The following TMEM131L variants were observed in gnomAD, a reference collection of about 807,000 sequenced individuals.
The protein encoded by TMEM131L is transmembrane protein 131-like.
In TMEM131L, 54 loss-of-function variants were observed where a neutral mutation model predicts 192.2. That is an observed-to-expected ratio of 0.28 (90% CI 0.23 to 0.35). TMEM131L has a LOEUF of 0.35. Among genes scored for constraint, TMEM131L ranks in the 10% least tolerant of loss-of-function variants. TMEM131L has a pLI of 1.00. For synonymous variants in TMEM131L, 701 were observed against 704.9 expected, an observed-to-expected ratio of 0.99 and a Z score of 0.09; for missense variants, 1,888 against 1,972.9, an observed-to-expected ratio of 0.96 and a Z score of 0.82.
intron 3 of TMEM131L, among the ~76,000 whole-genome samples, chr4:153,506,091 A>C (rs1372099107): frequency 6.6e-6 from 1 of 152,242 alleles, no homozygotes; most frequent in Non-Finnish European, 1.5e-5. Context: ...ACAATAGTAG[A>C]GTCGAACTAA....
At chr4:153,468,965 T>C (rs1397182575) in intron 2 of TMEM131L, among the ~76,000 whole-genome samples, 5 of 152,254 alleles carry the variant, frequency 3.3e-5, no homozygotes, top group Non-Finnish European at 4.4e-5. Flanking sequence ...TAGTAGTATA[T>C]ACTCTCATTT....
At chr4:153,587,916 A>G in intron 15 of TMEM131L, 105 bp downstream of exon 15, 4 of 832,978 alleles carry the variant, frequency 4.8e-6, no homozygotes, top group South Asian at 2.7e-5. Context: ...CTGTAAAGGC[A>G]TCATATTCTA....
intron 3 of TMEM131L, among the ~76,000 whole-genome samples, chr4:153,511,096 A>G (rs1033069576): frequency 4.6e-5 from 7 of 152,254 alleles, no homozygotes; most frequent in African/African-American, 1.7e-4. Flanking sequence ...AACTAAAACC[A>G]GAACTACCAT....
intron 4 of TMEM131L, among the ~76,000 whole-genome samples, chr4:153,553,941 G>C (rs1240411434): frequency 6.6e-6 from 1 of 152,176 alleles, no homozygotes; most frequent in African/African-American, 2.4e-5. Context: ...GTGGTGACTA[G>C]GCTTCAGCTG....
intron 11 of TMEM131L, among the ~76,000 whole-genome samples, chr4:153,584,197 A>AT (rs147966909): frequency 5.3e-4 from 80 of 151,716 alleles, no homozygotes; most frequent in African/African-American, 1.8e-3. Context: ...TGTACATTTA[A>AT]TTTTTTTTTA....
intron 3 of TMEM131L, among the ~76,000 whole-genome samples, chr4:153,516,252 T>G (rs1734721042): frequency 6.6e-6 from 1 of 152,142 alleles, no homozygotes; most frequent in South Asian, 2.1e-4. Context: ...TTTTAAAATC[T>G]AATTCTTTGT....
chr4:153,468,676 G>A (rs2149702500), intron 2 of TMEM131L, among the ~76,000 whole-genome samples: 1 of 152,270 alleles, frequency 6.6e-6, no homozygotes, highest in African/African-American at 2.4e-5. Context: ...ACTGTGAGAT[G>A]TTGAGCAGTT....
intron 3 of TMEM131L, among the ~76,000 whole-genome samples, chr4:153,546,366 C>T (rs557326561): frequency 6.6e-6 from 1 of 151,928 alleles, no homozygotes; most frequent in African/African-American, 2.4e-5. Flanking sequence ...GCCAGGTGGT[C>T]TTTGACATAC....
intron 7 of TMEM131L, among the ~76,000 whole-genome samples, chr4:153,564,287 C>CAAAAAAAAAAAAAAAAAAAAAAAAAAA (rs1178320668): frequency 5.7e-5 from 1 of 17,652 alleles, no homozygotes; most frequent in African/African-American, 1.4e-4. Flanking sequence ...AACTCCGTCT[C>CAAAAAAAAAAAAAAAAAAAAAAAAAAA]AAAAAAAAAA....
intron 3 of TMEM131L, among the ~76,000 whole-genome samples, chr4:153,476,402 A>G (rs1185365606): frequency 6.6e-6 from 1 of 152,188 alleles, no homozygotes; most frequent in African/African-American, 2.4e-5. Context: ...ATTCAGTTAA[A>G]ATTCCTTGGG....
In TMEM131L at chr4:153,550,091, T is replaced by G. The variant is rs201330911; in HGVS notation, c.258T>G (p.Phe86Leu). The G allele has an allele frequency of 3.0e-4, 444 of 1,491,564 alleles. 1 individual carries two copies. Among genetic ancestry groups the G allele is most frequent in the Admixed American group, 1.6e-3 (72 of 44,870 alleles). 92.4% of individuals were successfully genotyped at this position (1,491,564 alleles called of 1,614,324 possible). ...TTTTTAGCTTCTCGGACAAACTATT[T>G]AGTGGAAAAGGCTTACATTTTCAGC... ...SQEQSFSDKL[F>L]SGKGLHFQPS... Residue 86 changes from phenylalanine to leucine, a missense_variant, in exon 4 of 35, where the codon TTT becomes TTG. Physicochemically the swap from Phe to Leu is conservative, Grantham distance 22 (BLOSUM62 0). Transcript: ENST00000409959.
In TMEM131L at chr4:153,593,858, C is replaced by A; in HGVS notation, c.1982C>A (p.Ala661Asp). ...ACTGGTGAATTCCAGCTCACCGAAG[C>A]TTGCCCTTACCTGGTAGGATGTTAT... ...FTTGEFQLTE[A>D]CPYLGTHSEE... is the part of the protein sequence containing the mutation. Residue 661 changes from alanine to aspartate, a missense_variant, in exon 19 of 35, where the codon GCT becomes GAT. Coordinates refer to ENST00000409959, the MANE Select transcript of TMEM131L (RefSeq NM_001131007.2). The A allele has an allele frequency of 6.2e-7, 1 of 1,611,928 alleles. No homozygotes were observed. The highest frequency in any genetic ancestry group is 8.5e-7 in the Non-Finnish European group (1 of 1,178,008).
chr4:153,534,517 T>A (rs1046556027), intron 3 of TMEM131L, among the ~76,000 whole-genome samples: 4 of 152,184 alleles, frequency 2.6e-5, no homozygotes, highest in Non-Finnish European at 5.9e-5. Context: ...CACTGCAACC[T>A]TTGCCTCCCG....
intron 30 of TMEM131L, 45 bp from the exon 31 acceptor site, chr4:153,627,560 G>C: frequency 6.9e-7 from 1 of 1,451,594 alleles, no homozygotes; most frequent in Non-Finnish European, 9.7e-7. Flanking sequence ...GTATTTCCTC[G>C]TGCAGAAAAA....
intron 33 of TMEM131L, 107 bp downstream of exon 33, chr4:153,634,387 G>GAC (rs1654298206): frequency 1.2e-5 from 11 of 896,780 alleles, no homozygotes; most frequent in Non-Finnish European, 1.8e-5. Flanking sequence ...CAGACTTTGA[G>GAC]AATGAGCTTG....
At chr4:153,534,012 C>G (rs1412446717) in intron 3 of TMEM131L, among the ~76,000 whole-genome samples, 1 of 152,086 alleles carries the variant, frequency 6.6e-6, no homozygotes, top group Non-Finnish European at 1.5e-5. Context: ...GTTTGGGAAA[C>G]GTTTTTTATG....
At position 153,466,361 on chromosome 4, in the gene TMEM131L, A is replaced by T. The variant is rs1730737070; in HGVS notation, c.-37A>T. ...CTGGGGCGCCAGCGAGCTAGCGGCG[A>T]GCGCGGCGAGCAACGGAGAGGAGCG... On this transcript the variant is annotated 5_prime_UTR_variant, in exon 1 of 35. Transcript: ENST00000409959. 1.6e-6 allele frequency: 2 copies of T among 1,224,126 alleles called. No individual in the cohort carries two copies. The highest frequency in any genetic ancestry group is 1.0e-6 in the Non-Finnish European group (1 of 979,464). The allele number at this position is 1,224,126 out of a possible 1,614,324, so 75.8% of individuals were successfully genotyped here.
At chr4:153,475,728 A>G (rs74779431) in intron 3 of TMEM131L, among the ~76,000 whole-genome samples, 3,581 of 152,300 alleles carry the variant, frequency 0.024, 134 homozygotes, top group African/African-American at 0.081. Context: ...TTTTCTTGTC[A>G]TTATTCCTTA....
chr4:153,558,902 C>A (rs984178114), intron 7 of TMEM131L: 1 of 152,198 alleles, frequency 6.6e-6, no homozygotes, highest in Non-Finnish European at 1.5e-5. Context: ...AGTTTAAATT[C>A]TTTTAATATA....
Sources: gnomAD v4.1 joint callset for allele counts (sites outside exome capture counted in the v4.1 genomes callset) on GRCh38, gnomAD v4.1.1 for gene constraint, MANE v1.5 for transcripts, NCBI Gene and HGNC (gene_info 2026-07-23, HGNC 2026-07-21) for gene names.